NAALADL2: variants seen among roughly 807,000 people sequenced by gnomAD.
NAALADL2 encodes inactive N-acetylated-alpha-linked acidic dipeptidase-like protein 2.
A neutral mutation model predicts 87.2 loss-of-function variants in NAALADL2; 76 were observed. That is an observed-to-expected ratio of 0.87 (90% confidence interval 0.72 to 1.05). NAALADL2 has a LOEUF of 1.05. NAALADL2 is among the 50% of genes least tolerant of loss of function. The pLI is 0.00. For missense variants in NAALADL2, 1,089 were observed against 945.8 expected (o/e 1.15, Z -1.99); for synonymous variants, 354 against 331.0 (o/e 1.07, Z -0.75).
intron 4 of NAALADL2, among the ~76,000 whole-genome samples, chr3:175,307,485 G>A (rs985203949): frequency 6.6e-6 from 1 of 152,082 alleles, no homozygotes; most frequent in Non-Finnish European, 1.5e-5. Context: ...AACATTTGGA[G>A]ACATAAATAT....
At chr3:174,557,905 A>G (rs770045496) in intron 2 of NAALADL2, among the ~76,000 whole-genome samples, 2 of 152,134 alleles carry the variant, frequency 1.3e-5, no homozygotes, top group Non-Finnish European at 2.9e-5. Context: ...GGAAGCACTT[A>G]ATTCCTCCAG....
At chr3:174,985,693 C>T (rs1368098170) in intron 1 of NAALADL2, among the ~76,000 whole-genome samples, 1 of 152,122 alleles carries the variant, frequency 6.6e-6, no homozygotes, top group Non-Finnish European at 1.5e-5. Context: ...TGGCTCACAC[C>T]TGTAATCCCA....
chr3:175,419,751 G>GA (rs559504888), intron 5 of NAALADL2, among the ~76,000 whole-genome samples: 3 of 151,836 alleles, frequency 2.0e-5, no homozygotes, highest in Non-Finnish European at 4.4e-5. Context: ...CTGGAATATA[G>GA]AAAAAAAGTG....
At chr3:174,961,373 A>T (rs895685410) in intron 1 of NAALADL2, among the ~76,000 whole-genome samples, 1 of 151,978 alleles carries the variant, frequency 6.6e-6, no homozygotes. Flanking sequence ...TTGATTCTTT[A>T]TAATATTGCT....
chr3:174,805,262 T>C (rs1719326709), intron 3 of NAALADL2, among the ~76,000 whole-genome samples: 1 of 152,160 alleles, frequency 6.6e-6, no homozygotes, highest in Admixed American at 6.5e-5. Context: ...AAGAATGACA[T>C]GTATTTAGTA....
intron 3 of NAALADL2, among the ~76,000 whole-genome samples, chr3:175,239,150 A>G (rs1411390980): frequency 1.3e-5 from 2 of 152,180 alleles, no homozygotes; most frequent in Non-Finnish European, 2.9e-5. Flanking sequence ...GTGCACTAGA[A>G]AGGTGACATA....
At chr3:174,451,509 C>T (rs1446322462) in intron 1 of NAALADL2, among the ~76,000 whole-genome samples, 1 of 152,070 alleles carries the variant, frequency 6.6e-6, no homozygotes, top group African/African-American at 2.4e-5. Flanking sequence ...TAGCATGTAT[C>T]CAATTTGAAC....
chr3:175,486,185 A>G (rs1459928958), intron 9 of NAALADL2, among the ~76,000 whole-genome samples: 1 of 152,218 alleles, frequency 6.6e-6, no homozygotes, highest in Admixed American at 6.6e-5. Context: ...CAAAACATAT[A>G]AACCTTATTT....
At chr3:174,865,927 G>A (rs1727086820) in intron 1 of NAALADL2, among the ~76,000 whole-genome samples, 1 of 151,722 alleles carries the variant, frequency 6.6e-6, no homozygotes, top group Non-Finnish European at 1.5e-5. Context: ...TTTGCTATAG[G>A]CTATAAATAA....
At chr3:175,376,768 C>T (rs1486320212) in intron 5 of NAALADL2, among the ~76,000 whole-genome samples, 2 of 152,028 alleles carry the variant, frequency 1.3e-5, no homozygotes, top group African/African-American at 4.8e-5. Context: ...TGCTATTATC[C>T]CACAGTTTAC....
At chr3:174,979,028 A>G (rs1295010648) in intron 1 of NAALADL2, among the ~76,000 whole-genome samples, 1 of 152,130 alleles carries the variant, frequency 6.6e-6, no homozygotes, top group Non-Finnish European at 1.5e-5. Flanking sequence ...GGAAGGAGTG[A>G]TTATTGTCTC....
chr3:174,937,505 T>C (rs1367837150), intron 1 of NAALADL2, among the ~76,000 whole-genome samples: 1 of 152,080 alleles, frequency 6.6e-6, no homozygotes, highest in Non-Finnish European at 1.5e-5. Flanking sequence ...CCAATTTTGT[T>C]ATAGAAGGAA....
chr3:174,493,965 A>C (rs909106359), intron 1 of NAALADL2, among the ~76,000 whole-genome samples: 1 of 152,150 alleles, frequency 6.6e-6, no homozygotes, highest in Non-Finnish European at 1.5e-5. Context: ...AGTCAACTTC[A>C]TATGTGTCTG....
intron 4 of NAALADL2, among the ~76,000 whole-genome samples, chr3:175,293,427 A>G (rs1170877782): frequency 6.6e-6 from 1 of 152,214 alleles, no homozygotes; most frequent in Non-Finnish European, 1.5e-5. Context: ...TCGATATGGA[A>G]AAAAAAGATG....
chr3:174,779,508 G>T (rs543513006), intron 3 of NAALADL2, among the ~76,000 whole-genome samples: 136 of 152,210 alleles, frequency 8.9e-4, no homozygotes, highest in African/African-American at 3.2e-3. Context: ...TTTGGCTTTT[G>T]TTGCCATTGC....
At chr3:175,709,129 G>A (rs1422186827) in intron 11 of NAALADL2, among the ~76,000 whole-genome samples, 4 of 152,012 alleles carry the variant, frequency 2.6e-5, no homozygotes, top group Non-Finnish European at 4.4e-5. Context: ...CGTACCTCAT[G>A]TTTCTGTATC....
At chr3:175,702,890 C>A (rs1739177115) in intron 11 of NAALADL2, among the ~76,000 whole-genome samples, 1 of 150,936 alleles carries the variant, frequency 6.6e-6, no homozygotes, top group Non-Finnish European at 1.5e-5. Flanking sequence ...ATATTTAAAT[C>A]AGAAAAGAAA....
At chr3:175,393,244 G>A (rs897523677) in intron 5 of NAALADL2, among the ~76,000 whole-genome samples, 31 of 114,826 alleles carry the variant, frequency 2.7e-4, no homozygotes, top group African/African-American at 1.0e-3. Context: ...ACTGCAGTCC[G>A]CAGTCCGGCC....
At chr3:174,506,822 G>A (rs972284257) in intron 1 of NAALADL2, among the ~76,000 whole-genome samples, 15 of 151,886 alleles carry the variant, frequency 9.9e-5, no homozygotes, top group African/African-American at 3.6e-4. Flanking sequence ...ATTTTTAGTA[G>A]CCATTGCACT....
Sources: allele counts gnomAD v4.1 joint callset (sites outside exome capture counted in the v4.1 genomes callset), GRCh38; gene constraint gnomAD v4.1.1; transcripts MANE v1.5; gene names NCBI Gene and HGNC (gene_info 2026-07-23, HGNC 2026-07-21).